SLCO3A1: variants seen among roughly 807,000 people sequenced by gnomAD.
The protein encoded by SLCO3A1 is solute carrier organic anion transporter family member 3A1, also known as PGE1 transporter.
Under a neutral mutation model 63.1 loss-of-function variants are expected in SLCO3A1, and 27 were observed. The observed-to-expected ratio is 0.43, with a 90% CI of 0.32 to 0.59. The LOEUF (loss-of-function observed/expected upper bound fraction) is 0.59. SLCO3A1 is among the 20% of genes least tolerant of loss of function. The pLI is 0.09. For missense variants in SLCO3A1, 773 were observed against 945.8 expected (o/e 0.82, Z 2.40); for synonymous variants, 473 against 409.9 (o/e 1.15, Z -1.86).
intron 1 of SLCO3A1, among the ~76,000 whole-genome samples, chr15:91,857,216 G>A (rs1896947332): frequency 6.6e-6 from 1 of 152,030 alleles, no homozygotes; most frequent in Admixed American, 6.6e-5. Flanking sequence ...GGCTAGGCTG[G>A]GGGCCTGCAA....
chr15:91,876,992 A>G (rs1255850177), intron 1 of SLCO3A1, among the ~76,000 whole-genome samples: 3 of 152,240 alleles, frequency 2.0e-5, no homozygotes, highest in Non-Finnish European at 4.4e-5. Flanking sequence ...ATTCAAATCC[A>G]TTGAATGAGA....
At chr15:92,160,658 A>G (rs965793453) in intron 9 of SLCO3A1, among the ~76,000 whole-genome samples, 1 of 152,152 alleles carries the variant, frequency 6.6e-6, no homozygotes, top group African/African-American at 2.4e-5. Flanking sequence ...TTGGGGTATC[A>G]AGCAGCGGAG....
intron 2 of SLCO3A1, among the ~76,000 whole-genome samples, chr15:91,964,309 T>C (rs1900575813): frequency 6.6e-6 from 1 of 152,202 alleles, no homozygotes. Context: ...TTTTTTTGTT[T>C]TTGGTCATTT....
intron 3 of SLCO3A1, among the ~76,000 whole-genome samples, chr15:92,100,757 G>A (rs888772688): frequency 1.2e-4 from 19 of 152,130 alleles, no homozygotes; most frequent in African/African-American, 4.1e-4. Flanking sequence ...GTTATGTTGC[G>A]GTAACAAACA....
At chr15:92,032,505 T>C (rs1221429905) in intron 2 of SLCO3A1, among the ~76,000 whole-genome samples, 2 of 152,022 alleles carry the variant, frequency 1.3e-5, no homozygotes, top group African/African-American at 4.8e-5. Flanking sequence ...GGTGAGGGTG[T>C]GTATGGTCGG....
intron 2 of SLCO3A1, among the ~76,000 whole-genome samples, chr15:92,076,548 G>A (rs1002433547): frequency 2.6e-5 from 4 of 152,278 alleles, no homozygotes; most frequent in East Asian, 3.9e-4. Context: ...ATGAATCCAC[G>A]GATAGACAGT....
intron 2 of SLCO3A1, among the ~76,000 whole-genome samples, chr15:92,004,109 C>T (rs2151456258): frequency 6.6e-6 from 1 of 152,294 alleles, no homozygotes; most frequent in South Asian, 2.1e-4. Flanking sequence ...GGGAGAGGCT[C>T]TCTGGGGTAG....
rs116136452 is a variant in SLCO3A1, at chr15:91,982,557, G to A, written c.646+66099G>A. 2.9e-3 allele frequency among the ~76,000 whole-genome samples: 446 copies of A among 152,314 alleles called. 3 individuals carry two copies. Among genetic ancestry groups the A allele is most frequent in the African/African-American group, 0.01 (433 of 41,574 alleles). Reference sequence around the variant, plus strand: ...CCAAAATGAGAAACAACCAAGTCAAGCTTTTCTGGGCAAAAGCAGTGTTAG... The same window carrying A: ...CCAAAATGAGAAACAACCAAGTCAAACTTTTCTGGGCAAAAGCAGTGTTAG... On this transcript the variant is annotated intron_variant, in intron 2 of 9. Transcript: ENST00000318445.
At chr15:92,026,092 ACGTGTCCAAGCC>A (rs1174730322) in intron 2 of SLCO3A1, among the ~76,000 whole-genome samples, 1 of 152,150 alleles carries the variant, frequency 6.6e-6, no homozygotes, top group African/African-American at 2.4e-5. Flanking sequence ...TTTACCCTGC[ACGTGTCCAAGCC>A]CGTGTCCATG....
chr15:91,916,257 G>A lies in SLCO3A1; in HGVS notation c.445G>A (p.Val149Ile), dbSNP rs1198179473. The change falls in exon 2 of 10, where the codon GTC (valine) becomes ATC (isoleucine). Residue 149 changes from valine to isoleucine, a missense_variant. Physicochemically the swap from Val to Ile is conservative, Grantham distance 29. Transcript: ENST00000318445. The surrounding 1 kb of genome is among the most constrained non-coding windows in gnomAD (Gnocchi z 6.2). ...EIRWGAEGRD[V>I]CAANGSGGDE... Reference sequence around the variant, plus strand: ...CCGCTGGGGCGCCGAGGGCCGCGACGTCTGCGCAGCCAACGGCTCGGGCGG... The same window carrying A: ...CCGCTGGGGCGCCGAGGGCCGCGACATCTGCGCAGCCAACGGCTCGGGCGG... 7.0e-6 allele frequency: 11 copies of A among 1,568,230 alleles called. No individual in the cohort carries two copies. Among genetic ancestry groups the A allele is most frequent in the Admixed American group, 1.9e-5 (1 of 53,094 alleles).
chr15:92,013,954 G>A (rs562569974), intron 2 of SLCO3A1, among the ~76,000 whole-genome samples: 1 of 152,276 alleles, frequency 6.6e-6, no homozygotes, highest in Admixed American at 6.5e-5. Flanking sequence ...AAAAGGCTGA[G>A]CGTACAGTAG....
intron 3 of SLCO3A1, among the ~76,000 whole-genome samples, chr15:92,102,138 A>G (rs1268497072): frequency 6.6e-6 from 1 of 152,054 alleles, no homozygotes; most frequent in Non-Finnish European, 1.5e-5. Flanking sequence ...GAGACAATGG[A>G]GGGAAATACT....
intron 2 of SLCO3A1, among the ~76,000 whole-genome samples, chr15:92,023,177 G>T (rs768000777): frequency 1.3e-5 from 2 of 152,146 alleles, no homozygotes; most frequent in Non-Finnish European, 2.9e-5. Context: ...AAGCCACCTC[G>T]AGGATTCCTT....
chr15:92,112,470 G>C (rs946969015), intron 4 of SLCO3A1, among the ~76,000 whole-genome samples: 1 of 152,226 alleles, frequency 6.6e-6, no homozygotes, highest in Admixed American at 6.5e-5. Context: ...ACCACCCTGT[G>C]TGTGGGCCAC....
At chr15:92,130,895 A>AC (rs1324559301) in intron 7 of SLCO3A1, among the ~76,000 whole-genome samples, 2 of 151,318 alleles carry the variant, frequency 1.3e-5, no homozygotes, top group East Asian at 3.9e-4. Context: ...CAAAAAAAAA[A>AC]AAAAAAAAAA....
intron 2 of SLCO3A1, among the ~76,000 whole-genome samples, chr15:91,957,308 C>G (rs1900276353): frequency 6.8e-6 from 1 of 148,126 alleles, no homozygotes; most frequent in Non-Finnish European, 1.5e-5. Flanking sequence ...CCTTCTGTCT[C>G]TTCTGTAGAT....
chr15:92,133,262 T>C lies in SLCO3A1; in HGVS notation c.1512+4773T>C, dbSNP rs536969890. ...CCGCTGTCATAGAAGGGATGAGGCATGTTCTATAAATTGTGTCTTTCTTGA... is the reference window on the plus strand; with the variant it reads ...CCGCTGTCATAGAAGGGATGAGGCACGTTCTATAAATTGTGTCTTTCTTGA... On this transcript the variant is annotated intron_variant, in intron 7 of 9. Coordinates refer to ENST00000318445, the MANE Select transcript of SLCO3A1 (RefSeq NM_013272.4). Among the ~76,000 whole-genome samples the C allele has an allele frequency of 3.4e-5, 5 of 146,632 alleles. 1 individual carries two copies. Among genetic ancestry groups the C allele is most frequent in the African/African-American group, 1.2e-4 (5 of 40,508 alleles).
chr15:92,152,614 G>A (rs764663622), intron 9 of SLCO3A1, among the ~76,000 whole-genome samples: 2 of 152,216 alleles, frequency 1.3e-5, no homozygotes, highest in Non-Finnish European at 2.9e-5. Flanking sequence ...GTGGGAGGGT[G>A]CAGTCTGCAT....
At chr15:92,012,691 C>G (rs148938720) in intron 2 of SLCO3A1, among the ~76,000 whole-genome samples, 157 of 150,258 alleles carry the variant, frequency 1.0e-3, no homozygotes, top group African/African-American at 3.8e-3. Flanking sequence ...TCCCTTGAAC[C>G]CATGAGTTCA....
Sources: allele counts gnomAD v4.1 joint callset (sites outside exome capture counted in the v4.1 genomes callset), GRCh38; gene constraint gnomAD v4.1.1; non-coding constraint Gnocchi (gnomAD v3.1); transcripts MANE v1.5; gene names NCBI Gene and HGNC (gene_info 2026-07-23, HGNC 2026-07-21).